Variants in SORCS3 observed in about 807,000 individuals in gnomAD.
SORCS3 encodes the protein VPS10 domain-containing receptor SorCS3.
SORCS3 carries 57 observed loss-of-function variants against 146.3 expected under a neutral mutation model. That is an observed-to-expected ratio of 0.39 (90% CI 0.31 to 0.49). The LOEUF is 0.49. Among genes scored for constraint, SORCS3 ranks in the 20% least tolerant of loss-of-function variants. The pLI is 0.92. For missense variants in SORCS3, 1,341 were observed against 1,575.5 expected, an observed-to-expected ratio of 0.85 and a Z score of 2.52; for synonymous variants, 653 against 618.5, an observed-to-expected ratio of 1.06 and a Z score of -0.83.
intron 4 of SORCS3, among the ~76,000 whole-genome samples, chr10:104,991,976 A>G (rs1055935511): frequency 2.6e-5 from 4 of 152,226 alleles, no homozygotes; most frequent in African/African-American, 9.6e-5. Flanking sequence ...CCCATAAGAC[A>G]TATGCATGTC....
rs531642201 is a variant in SORCS3 at position 105,018,231 on chromosome 10, G to A, written c.955-24824G>A. Among the ~76,000 whole-genome samples, 357 of 152,344 alleles carry A rather than the reference G, an allele frequency of 2.3e-3. 3 individuals carry two copies. Among genetic ancestry groups the A allele is most frequent in the African/African-American group, 8.0e-3 (334 of 41,572 alleles). ...AGGCGACGTTCCCCTCAGAGGGGCA[G>A]GATGGCTGCTATCAACTCCATGCTT... On this transcript the variant is annotated intron_variant, in intron 4 of 26. Coordinates refer to ENST00000369701, the MANE Select transcript of SORCS3 (RefSeq NM_014978.3).
intron 1 of SORCS3, among the ~76,000 whole-genome samples, chr10:104,705,686 C>T (rs1442373422): frequency 6.6e-6 from 1 of 152,056 alleles, no homozygotes; most frequent in Non-Finnish European, 1.5e-5. Flanking sequence ...AACAGGTGAC[C>T]CGACTGGTAG....
intron 1 of SORCS3, among the ~76,000 whole-genome samples, chr10:104,687,761 T>A (rs1442624845): frequency 6.6e-6 from 1 of 151,922 alleles, no homozygotes; most frequent in African/African-American, 2.4e-5. Context: ...GGCTCTGGAG[T>A]CTGACTCTGG....
At chr10:104,845,170 C>T (rs970251932) in intron 2 of SORCS3, among the ~76,000 whole-genome samples, 1 of 152,146 alleles carries the variant, frequency 6.6e-6, no homozygotes, top group Admixed American at 6.5e-5. Context: ...TCATGAGGTC[C>T]TTCCCCAGGA....
At chr10:104,769,584 T>A (rs1282704301) in intron 1 of SORCS3, among the ~76,000 whole-genome samples, 4 of 152,088 alleles carry the variant, frequency 2.6e-5, no homozygotes, top group African/African-American at 9.7e-5. Flanking sequence ...CCTGTTCTGG[T>A]ACCTAAAGGG....
chr10:104,967,133 A>G (rs959611061), intron 3 of SORCS3, among the ~76,000 whole-genome samples: 38 of 152,124 alleles, frequency 2.5e-4, no homozygotes, highest in African/African-American at 8.4e-4. Flanking sequence ...CTCATGGGGT[A>G]TAGTCATCCA....
intron 19 of SORCS3, chr10:105,217,716 G>C: frequency 2.3e-6 from 1 of 433,836 alleles, no homozygotes; most frequent in Non-Finnish European, 4.7e-6. Flanking sequence ...GCTATTGGCT[G>C]TTGCTTGGCA....
intron 1 of SORCS3, among the ~76,000 whole-genome samples, chr10:104,699,180 T>C (rs2016251972): frequency 6.6e-6 from 1 of 152,192 alleles, no homozygotes. Flanking sequence ...GACCACCAAA[T>C]GTCTTGCAGA....
chr10:105,133,754 G>T (rs1360028797), intron 7 of SORCS3, among the ~76,000 whole-genome samples: 1 of 152,024 alleles, frequency 6.6e-6, no homozygotes, highest in Non-Finnish European at 1.5e-5. Flanking sequence ...GTCACTTTGA[G>T]ACCAGCCTGG....
At chr10:105,120,458 A>G (rs981409347) in intron 7 of SORCS3, among the ~76,000 whole-genome samples, 9 of 152,088 alleles carry the variant, frequency 5.9e-5, no homozygotes, top group African/African-American at 1.2e-4. Flanking sequence ...AATGACCCCA[A>G]TGTTCCCTGC....
intron 1 of SORCS3, among the ~76,000 whole-genome samples, chr10:104,738,237 T>C (rs974390161): frequency 2.0e-5 from 3 of 152,220 alleles, no homozygotes; most frequent in Non-Finnish European, 4.4e-5. Flanking sequence ...ATTGACTTGG[T>C]GATGCGGGCT....
intron 2 of SORCS3, among the ~76,000 whole-genome samples, chr10:104,894,904 G>C (rs2018784024): frequency 6.6e-6 from 1 of 152,230 alleles, no homozygotes; most frequent in Non-Finnish European, 1.5e-5. Context: ...ACAGCATTTG[G>C]AAATGTGGGA....
In SORCS3 at chr10:105,092,691, G is replaced by GT. The variant is rs528535971; in HGVS notation, c.1093+2857dup. ...AAAATACAAAAATGTTTTATTTACT[G>GT]TTTTTCCTGACATGGTAGTTTAACT... is the stretch of plus-strand genomic sequence containing the variant. On this transcript the variant is annotated intron_variant, in intron 6 of 26. Coordinates refer to ENST00000369701, the MANE Select transcript of SORCS3 (RefSeq NM_014978.3). Among the ~76,000 whole-genome samples the GT allele has an allele frequency of 1.8e-4, 27 of 151,420 alleles. No individual in the cohort carries two copies. In the South Asian group the frequency reaches 5.6e-3, roughly 32 times the overall value.
chr10:105,042,903 G>A (rs2055346571), intron 4 of SORCS3, 152 bp from the exon 5 acceptor site: 5 of 646,216 alleles, frequency 7.7e-6, no homozygotes, highest in Middle Eastern at 2.8e-4. Context: ...ACCATGATAA[G>A]CAGTCATATT....
intron 1 of SORCS3, among the ~76,000 whole-genome samples, chr10:104,762,133 T>C (rs944328166): frequency 1.3e-5 from 2 of 152,192 alleles, no homozygotes; most frequent in African/African-American, 4.8e-5. Flanking sequence ...CCACAGGTCC[T>C]ATTAATTCTT....
intron 1 of SORCS3, among the ~76,000 whole-genome samples, chr10:104,745,217 C>T (rs1277451100): frequency 6.6e-6 from 1 of 152,132 alleles, no homozygotes; most frequent in African/African-American, 2.4e-5. Flanking sequence ...GGCTATCATC[C>T]TCAATTAATG....
intron 4 of SORCS3, among the ~76,000 whole-genome samples, chr10:105,028,128 G>T (rs2055242878): frequency 6.6e-6 from 1 of 152,118 alleles, no homozygotes; most frequent in African/African-American, 2.4e-5. Context: ...GTGTGTATTT[G>T]CTTACTTACG....
chr10:105,172,929 C>G (rs1290857156), intron 13 of SORCS3, among the ~76,000 whole-genome samples: 2 of 151,782 alleles, frequency 1.3e-5, no homozygotes, highest in Non-Finnish European at 2.9e-5. Flanking sequence ...ATTTTATTAG[C>G]TAATTTCATT....
intron 1 of SORCS3, among the ~76,000 whole-genome samples, chr10:104,817,705 A>G (rs1221401699): frequency 1.4e-5 from 1 of 70,906 alleles, no homozygotes; most frequent in Non-Finnish European, 2.5e-5. Context: ...TTTCCCTCTT[A>G]TTTTCCCTCC....
Sources: allele counts gnomAD v4.1 joint callset (sites outside exome capture counted in the v4.1 genomes callset), GRCh38; gene constraint gnomAD v4.1.1; transcripts MANE v1.5; gene names NCBI Gene and HGNC (gene_info 2026-07-23, HGNC 2026-07-21).